Variants in GALNT13 observed in about 807,000 individuals in gnomAD.
GALNT13 encodes UDP-GalNAc:polypeptide N-acetylgalactosaminyltransferase 13.
Under a neutral mutation model 64.2 loss-of-function variants are expected in GALNT13, and 28 were observed. That is an observed-to-expected ratio of 0.44 (90% CI 0.32 to 0.60). The LOEUF (loss-of-function observed/expected upper bound fraction) is 0.60, where lower values mean the gene tolerates loss of function less well. GALNT13 is among the 20% of genes least tolerant of loss of function. The pLI, the probability that GALNT13 is intolerant of heterozygous loss-of-function variation, is 0.05. For synonymous variants in GALNT13, 214 were observed against 224.6 expected (o/e 0.95, Z 0.42); for missense variants, 577 against 669.8 (o/e 0.86, Z 1.53).
intron 3 of GALNT13, among the ~76,000 whole-genome samples, chr2:154,043,610 A>G (rs891400079): frequency 1.3e-5 from 2 of 151,932 alleles, no homozygotes; most frequent in Non-Finnish European, 2.9e-5. Flanking sequence ...AGTTTACAGT[A>G]TAATCAGTAG....
chr2:154,274,967 G>A (rs1286436663), intron 8 of GALNT13, among the ~76,000 whole-genome samples: 2 of 152,108 alleles, frequency 1.3e-5, no homozygotes, highest in Non-Finnish European at 2.9e-5. Context: ...CAGAGATGGG[G>A]AACCTGTTGT....
chr2:154,379,719 A>C (rs114799681), intron 9 of GALNT13, among the ~76,000 whole-genome samples: 2,090 of 152,190 alleles, frequency 0.014, 54 homozygotes, highest in African/African-American at 0.045. Flanking sequence ...TAACTGTACA[A>C]TTTTAATGCT....
intron 3 of GALNT13, among the ~76,000 whole-genome samples, chr2:154,105,358 C>T (rs1702557378): frequency 6.6e-6 from 1 of 152,088 alleles, no homozygotes; most frequent in Admixed American, 6.5e-5. Flanking sequence ...ACACTGGTCC[C>T]ATTAGATTAT....
At chr2:153,594,932 C>T in the GALNT13 span, among the ~76,000 whole-genome samples, 2 of 151,934 alleles carry the variant, frequency 1.3e-5, no homozygotes. Context: ...AAATTTCAGC[C>T]AACCAATAAG....
At chr2:153,229,671 G>C in the GALNT13 span, among the ~76,000 whole-genome samples, 1 of 152,140 alleles carries the variant, frequency 6.6e-6, no homozygotes, top group African/African-American at 2.4e-5. Flanking sequence ...ACTTGATAGT[G>C]GTCTGAAAAG....
the GALNT13 span, among the ~76,000 whole-genome samples, chr2:153,292,084 T>C: frequency 1.2e-4 from 19 of 152,178 alleles, no homozygotes; most frequent in African/African-American, 4.3e-4. Flanking sequence ...CTTCTATCCA[T>C]GTTTCAAATG....
the GALNT13 span, among the ~76,000 whole-genome samples, chr2:153,623,092 T>G: frequency 3.9e-5 from 6 of 152,148 alleles, no homozygotes; most frequent in African/African-American, 1.4e-4. Flanking sequence ...TTTATTTTTG[T>G]GTTCTCCATT....
the GALNT13 span, among the ~76,000 whole-genome samples, chr2:153,486,427 A>G: frequency 6.6e-6 from 1 of 152,188 alleles, no homozygotes; most frequent in Non-Finnish European, 1.5e-5. Context: ...TTCGTCTTTT[A>G]TTTAAATACA....
At chr2:154,191,978 A>G (rs1045917410) in intron 4 of GALNT13, among the ~76,000 whole-genome samples, 1 of 152,138 alleles carries the variant, frequency 6.6e-6, no homozygotes, top group African/African-American at 2.4e-5. Context: ...GTGGGCTTGG[A>G]GAATGAGTGC....
chr2:154,384,341 T>C (rs2105337984), intron 9 of GALNT13, among the ~76,000 whole-genome samples: 1 of 152,010 alleles, frequency 6.6e-6, no homozygotes, highest in South Asian at 2.1e-4. Flanking sequence ...TGATGCACTT[T>C]ACCATAATAA....
the GALNT13 span, among the ~76,000 whole-genome samples, chr2:153,658,104 G>T: frequency 5.3e-5 from 8 of 152,060 alleles, no homozygotes; most frequent in African/African-American, 1.9e-4. Flanking sequence ...CCTTCTCAGG[G>T]TTCTGAATTC....
At chr2:153,668,461 A>T in the GALNT13 span, among the ~76,000 whole-genome samples, 3 of 152,200 alleles carry the variant, frequency 2.0e-5, no homozygotes, top group African/African-American at 4.8e-5. Flanking sequence ...ATATCTCAAC[A>T]TGAGAGGCAA....
the GALNT13 span, among the ~76,000 whole-genome samples, chr2:153,792,080 GA>G: frequency 2.0e-5 from 3 of 151,378 alleles, no homozygotes; most frequent in South Asian, 2.1e-4. Flanking sequence ...TTAAAACATG[GA>G]AAAAAAATAA....
In GALNT13 at chr2:154,236,024, T is replaced by C. The variant is rs1040478205; in HGVS notation, c.312-6006T>C. On this transcript the variant is annotated intron_variant, in intron 4 of 12. Transcript: ENST00000392825. ...AAAGTAGATCAGCTGGATTTATTTT[T>C]TATATATTTATAAATCAACAGCTAA... The C allele has an allele frequency of 9.9e-6, 12 of 1,216,778 alleles. No homozygotes were observed. In the Admixed American group the frequency reaches 2.8e-4, roughly 28 times the overall value. The allele number at this position is 1,216,778 out of a possible 1,614,324, so 75.4% of individuals were successfully genotyped here.
chr2:153,497,260 G>A, the GALNT13 span, among the ~76,000 whole-genome samples: 1 of 151,968 alleles, frequency 6.6e-6, no homozygotes, highest in Non-Finnish European at 1.5e-5. Flanking sequence ...CGAACCTAAG[G>A]AAGCACAAAT....
At chr2:153,800,173 G>A in the GALNT13 span, among the ~76,000 whole-genome samples, 1 of 150,816 alleles carries the variant, frequency 6.6e-6, no homozygotes, top group South Asian at 2.1e-4. Context: ...AGCAAATATT[G>A]CAATAAACCA....
At chr2:154,063,617 C>T (rs996124362) in intron 3 of GALNT13, among the ~76,000 whole-genome samples, 12 of 152,080 alleles carry the variant, frequency 7.9e-5, no homozygotes, top group South Asian at 2.1e-4. Flanking sequence ...ATGGCCCCAT[C>T]ATTATTATCC....
the GALNT13 span, among the ~76,000 whole-genome samples, chr2:153,752,255 A>C: frequency 6.6e-6 from 1 of 152,062 alleles, no homozygotes; most frequent in Non-Finnish European, 1.5e-5. Flanking sequence ...TTAGGATAAG[A>C]GTAGTTTACA....
chr2:153,250,414 A>G, the GALNT13 span, among the ~76,000 whole-genome samples: 3 of 152,226 alleles, frequency 2.0e-5, no homozygotes, highest in Admixed American at 6.5e-5. Flanking sequence ...AGAAATAGGA[A>G]TGCTTTTACA....
Sources: gnomAD v4.1 joint callset for allele counts (sites outside exome capture counted in the v4.1 genomes callset) on GRCh38, gnomAD v4.1.1 for gene constraint, MANE v1.5 for transcripts, NCBI Gene and HGNC (gene_info 2026-07-23, HGNC 2026-07-21) for gene names.